The following CDH23 variants were observed in gnomAD, a reference collection of about 807,000 sequenced individuals.
The protein encoded by CDH23 is cadherin-23.
CDH23 carries 189 observed loss-of-function variants against 317.1 expected under a neutral mutation model. The ratio of observed to expected loss-of-function variants is 0.60; its 90% confidence interval spans 0.53 to 0.67. The LOEUF (loss-of-function observed/expected upper bound fraction) is 0.67, where lower values mean the gene tolerates loss of function less well. Ranked by LOEUF, CDH23 falls within the 30% of genes least tolerant of loss-of-function variation. The probability of loss-of-function intolerance (pLI) is 0.00; values close to 1 mark genes in which losing one functional copy is unlikely to be tolerated. For missense variants in CDH23, 4,401 were observed against 4,592.4 expected, an observed-to-expected ratio of 0.96 and a Z score of 1.20; for synonymous variants, 1,839 against 1,876.8, an observed-to-expected ratio of 0.98 and a Z score of 0.52.
rs146157152 is a variant in CDH23 at position 71,734,157 on chromosome 10, A to C, written c.4105-83A>C. ...AGTTATGCCGGACAGAGGAAGTGAC[A>C]TGGAGGTGGAAAAGTGGGCAGAATG... On this transcript the variant is annotated intron_variant, in intron 32 of 69. Transcript: ENST00000224721. The C allele has an allele frequency of 2.7e-6, 3 of 1,097,280 alleles. No individual in the cohort carries two copies. In the Admixed American group the frequency reaches 5.9e-5, roughly 22 times the overall value. 68.0% of individuals were successfully genotyped at this position (1,097,280 alleles called of 1,614,324 possible). A position where few individuals can be genotyped will look rare whatever the true frequency, so the allele number is the denominator to read the frequency against.
intron 38 of CDH23, chr10:71,747,478 A>G (rs1205085541): frequency 1.3e-5 from 2 of 152,366 alleles, no homozygotes; most frequent in Non-Finnish European, 1.5e-5. Flanking sequence ...GCTCTAAGCA[A>G]GTCCAAGGTG....
chr10:71,806,022 G>A, intron 56 of CDH23, 25 bp downstream of exon 56: 1 of 1,574,222 alleles, frequency 6.4e-7, no homozygotes, highest in Non-Finnish European at 8.6e-7. Context: ...CGGTGCGAGG[G>A]GCGGGGTCTG....
At chr10:71,674,187 A>G (rs376879085) in intron 14 of CDH23, among the ~76,000 whole-genome samples, 2 of 152,210 alleles carry the variant, frequency 1.3e-5, no homozygotes, top group African/African-American at 4.8e-5. Context: ...CATTTGGGAT[A>G]GAAATATATT....
At chr10:71,606,924 C>T (rs571771655) in intron 9 of CDH23, among the ~76,000 whole-genome samples, 2 of 152,230 alleles carry the variant, frequency 1.3e-5, no homozygotes, top group South Asian at 2.1e-4. Context: ...AGCAGACTCT[C>T]GGCAGGCTGG....
chr10:71,807,488 T>C (rs773121051), intron 58 of CDH23, 28 bp from the exon 59 acceptor site: 1 of 1,612,836 alleles, frequency 6.2e-7, no homozygotes, highest in Admixed American at 1.7e-5. Context: ...CCCTGCCCCC[T>C]CACCCTGTGC....
intron 28 of CDH23, among the ~76,000 whole-genome samples, chr10:71,719,464 C>T (rs921714119): frequency 5.3e-5 from 8 of 152,198 alleles, no homozygotes; most frequent in African/African-American, 1.9e-4. Flanking sequence ...TGTGTGGCCT[C>T]GGGCTAGTCC....
intron 9 of CDH23, among the ~76,000 whole-genome samples, chr10:71,598,518 G>C (rs1018754284): frequency 6.6e-6 from 1 of 152,176 alleles, no homozygotes; most frequent in Non-Finnish European, 1.5e-5. Context: ...ACTTCCCAGA[G>C]AGCCTGCCTT....
chr10:71,646,184 A>G (rs1360341237), intron 13 of CDH23, among the ~76,000 whole-genome samples: 2 of 151,196 alleles, frequency 1.3e-5, no homozygotes, highest in Non-Finnish European at 2.9e-5. Context: ...TATGTCCAGT[A>G]ATTGAGTGGA....
intron 1 of CDH23, among the ~76,000 whole-genome samples, chr10:71,406,054 C>T (rs946873): frequency 0.38 from 57,527 of 150,698 alleles, 11,845 homozygotes; most frequent in African/African-American, 0.54. Flanking sequence ...CTTTCTCTGT[C>T]GCCCAGGCTA....
intron 38 of CDH23, chr10:71,773,286 T>A (rs1338342121): frequency 6.6e-7 from 1 of 1,505,264 alleles, no homozygotes; most frequent in Non-Finnish European, 9.0e-7. Context: ...GACGCCCCCA[T>A]CCCACAGTTC....
At chr10:71,545,610 C>T (rs1856231429) in intron 6 of CDH23, among the ~76,000 whole-genome samples, 1 of 152,190 alleles carries the variant, frequency 6.6e-6, no homozygotes, top group South Asian at 2.1e-4. Context: ...GTGTGCTAAG[C>T]ACTGTTCCCA....
chr10:71,692,333 G>A (rs1865215184), intron 20 of CDH23, among the ~76,000 whole-genome samples: 2 of 152,166 alleles, frequency 1.3e-5, no homozygotes, highest in Admixed American at 1.3e-4. Context: ...GGCCTTTAAT[G>A]ACACAGACAT....
intron 10 of CDH23, 69 bp from the exon 11 acceptor site, chr10:71,617,136 C>A: frequency 6.5e-7 from 1 of 1,530,910 alleles, no homozygotes; most frequent in Admixed American, 1.9e-5. Context: ...CTGAGAAAGT[C>A]TTTGGTAAGC....
intron 3 of CDH23, among the ~76,000 whole-genome samples, chr10:71,477,124 ATGT>A (rs927232018): frequency 3.6e-4 from 55 of 152,182 alleles, no homozygotes; most frequent in African/African-American, 1.3e-3. Flanking sequence ...GTTCCTGCAG[ATGT>A]TGTGTGTCTG....
chr10:71,619,011 G>A (rs889472447), intron 11 of CDH23, among the ~76,000 whole-genome samples: 2 of 152,186 alleles, frequency 1.3e-5, no homozygotes, highest in African/African-American at 4.8e-5. Context: ...TCAACAGTGT[G>A]TTGATACAAA....
At chr10:71,458,842 C>T (rs1433850118) in intron 3 of CDH23, among the ~76,000 whole-genome samples, 1 of 152,204 alleles carries the variant, frequency 6.6e-6, no homozygotes, top group Non-Finnish European at 1.5e-5. Context: ...GGCTGGAGTG[C>T]AGTGGCGCGA....
Position 71,406,013 on chromosome 10 carries a change from A to C in CDH23, c.-6+8695A>C, listed in dbSNP as rs1051719520. Among the ~76,000 whole-genome samples, 99 of 91,422 alleles carry C rather than the reference A, an allele frequency of 1.1e-3. 1 individual carries two copies. Among genetic ancestry groups the C allele is most frequent in the African/African-American group, 4.4e-3 (96 of 21,888 alleles). 60.0% of individuals were successfully genotyped at this position (91,422 alleles called of 152,430 possible). A position where few individuals can be genotyped will look rare whatever the true frequency, so the allele number is the denominator to read the frequency against. ...CCACTTGGAAAAAGTTAAAAAAAGC[A>C]GGTAATTTTTTTTTTTTTTTGAGGC... On this transcript the variant is annotated intron_variant, in intron 1 of 69. Transcript: ENST00000224721.
At chr10:71,628,764 C>T (rs1861867687) in intron 11 of CDH23, among the ~76,000 whole-genome samples, 1 of 152,202 alleles carries the variant, frequency 6.6e-6, no homozygotes, top group African/African-American at 2.4e-5. Flanking sequence ...TCCCAAAGTG[C>T]TGAGATTACA....
At chr10:71,498,833 G>C (rs1056748344) in intron 3 of CDH23, among the ~76,000 whole-genome samples, 8 of 152,210 alleles carry the variant, frequency 5.3e-5, no homozygotes, top group African/African-American at 1.9e-4. Flanking sequence ...GTTTCTAAGA[G>C]TCAGGGCCAG....
Sources: gnomAD v4.1 joint callset for allele counts (sites outside exome capture counted in the v4.1 genomes callset) on GRCh38, gnomAD v4.1.1 for gene constraint, MANE v1.5 for transcripts, NCBI Gene and HGNC (gene_info 2026-07-23, HGNC 2026-07-21) for gene names.